Variants in LRRC18 observed in about 807,000 individuals in gnomAD.
The protein encoded by LRRC18 is leucine rich repeat containing 18.
A neutral mutation model predicts 11.2 loss-of-function variants in LRRC18; 12 were observed. That is an observed-to-expected ratio of 1.07 (90% confidence interval 0.69 to 1.74). LRRC18 has a LOEUF of 1.74. Among genes scored for constraint, LRRC18 ranks in the 40% most tolerant of loss-of-function variants. The pLI is 0.00. For synonymous variants in LRRC18, 155 were observed against 130.6 expected, an observed-to-expected ratio of 1.19 and a Z score of -1.27; for missense variants, 374 against 330.5, an observed-to-expected ratio of 1.13 and a Z score of -1.02.
upstream of LRRC18, among the ~76,000 whole-genome samples, chr10:48,916,190 C>T (rs932932511): frequency 1.3e-5 from 2 of 152,178 alleles, no homozygotes; most frequent in Non-Finnish European, 2.9e-5. Flanking sequence ...ACTCCTTTTT[C>T]TCCCCTCAAC....
At chr10:48,937,119 C>G in the LRRC18 span, among the ~76,000 whole-genome samples, 1 of 152,012 alleles carries the variant, frequency 6.6e-6, no homozygotes, top group Non-Finnish European at 1.5e-5. Context: ...GTCTCGAACT[C>G]CTGACCTCAG....
the LRRC18 span, among the ~76,000 whole-genome samples, chr10:48,922,550 T>C: frequency 6.6e-6 from 1 of 152,232 alleles, no homozygotes; most frequent in South Asian, 2.1e-4. Flanking sequence ...TGATGAATTG[T>C]TGTTCATCTC....
intron 1 of LRRC18, among the ~76,000 whole-genome samples, chr10:48,912,918 A>G (rs1488368187): frequency 6.6e-6 from 1 of 152,176 alleles, no homozygotes; most frequent in East Asian, 1.9e-4. Flanking sequence ...CCCCTACCCA[A>G]CACCAAGTGC....
At chr10:48,919,162 C>A (rs186495433), upstream of LRRC18, among the ~76,000 whole-genome samples, 1 of 151,306 alleles carries the variant, frequency 6.6e-6, no homozygotes, top group Admixed American at 6.6e-5. Context: ...AAACAGATAG[C>A]CAGACTGACA....
At chr10:48,922,555 C>CAAAA in the LRRC18 span, among the ~76,000 whole-genome samples, 2 of 152,172 alleles carry the variant, frequency 1.3e-5, no homozygotes, top group Non-Finnish European at 2.9e-5. Context: ...AATTGTTGTT[C>CAAAA]ATCTCTTACG....
At chr10:48,922,995 C>T in the LRRC18 span, among the ~76,000 whole-genome samples, 1 of 152,128 alleles carries the variant, frequency 6.6e-6, no homozygotes, top group African/African-American at 2.4e-5. Flanking sequence ...TCTGTTGAAG[C>T]TTAGAGAACT....
chr10:48,927,479 C>T, the LRRC18 span, among the ~76,000 whole-genome samples: 2 of 152,162 alleles, frequency 1.3e-5, no homozygotes, highest in Non-Finnish European at 2.9e-5. Context: ...AACTTCCACC[C>T]ACATGCCTGT....
At chr10:48,933,465 TC>T in the LRRC18 span, among the ~76,000 whole-genome samples, 1 of 152,208 alleles carries the variant, frequency 6.6e-6, no homozygotes, top group African/African-American at 2.4e-5. Context: ...CAGATGGCTC[TC>T]TTGGCCGCCA....
chr10:48,914,180 A>G, exon 1 of LRRC18: 1 of 1,601,308 alleles, frequency 6.2e-7, no homozygotes, highest in South Asian at 1.1e-5. Context: ...GGAGTGTTAG[A>G]AGTTTATTGT....
chr10:48,927,878 A>G, the LRRC18 span, among the ~76,000 whole-genome samples: 147,377 of 152,330 alleles, frequency 0.97, 71,483 homozygotes, highest in East Asian at 1. Context: ...AAAGGGAATA[A>G]GCACCTTACA....
the LRRC18 span, among the ~76,000 whole-genome samples, chr10:48,921,063 T>C: frequency 1.3e-5 from 2 of 152,174 alleles, no homozygotes; most frequent in Admixed American, 1.3e-4. Context: ...ATGTCAACTC[T>C]CCCCAAATTG....
the LRRC18 span, among the ~76,000 whole-genome samples, chr10:48,935,753 T>C: frequency 6.6e-6 from 1 of 152,256 alleles, no homozygotes; most frequent in Non-Finnish European, 1.5e-5. Context: ...TCTTACTTGA[T>C]TGTATGTCAT....
At chr10:48,929,289 A>C in the LRRC18 span, among the ~76,000 whole-genome samples, 1 of 152,186 alleles carries the variant, frequency 6.6e-6, no homozygotes, top group Non-Finnish European at 1.5e-5. Context: ...GAGGAGGCAC[A>C]ATAAAAGATA....
At chr10:48,936,163 C>CA in the LRRC18 span, among the ~76,000 whole-genome samples, 5 of 151,328 alleles carry the variant, frequency 3.3e-5, no homozygotes, top group African/African-American at 1.2e-4. Flanking sequence ...TTGGAAAGTA[C>CA]AAAAAAAGCA....
the LRRC18 span, among the ~76,000 whole-genome samples, chr10:48,929,538 C>T: frequency 1.3e-5 from 2 of 152,204 alleles, no homozygotes; most frequent in Non-Finnish European, 1.5e-5. Flanking sequence ...GCCCCTTGCT[C>T]CTCTTCTCTG....
chr10:48,930,506 G>C, the LRRC18 span, among the ~76,000 whole-genome samples: 1 of 152,186 alleles, frequency 6.6e-6, no homozygotes, highest in African/African-American at 2.4e-5. Flanking sequence ...GTTAGGCCAA[G>C]GGGAGAAGGA....
the LRRC18 span, among the ~76,000 whole-genome samples, chr10:48,922,437 GA>G: frequency 1.2e-4 from 18 of 152,076 alleles, no homozygotes; most frequent in Non-Finnish European, 4.4e-5. Flanking sequence ...TTGACTTGGG[GA>G]AAAAAACAAA....
upstream of LRRC18, among the ~76,000 whole-genome samples, chr10:48,914,435 A>C (rs936255747): frequency 3.9e-5 from 6 of 152,130 alleles, no homozygotes; most frequent in African/African-American, 1.4e-4. Context: ...TGGATGTTAA[A>C]ATAGGAGGTG....
chr10:48,910,847 A>G, intron 1 of LRRC18: 1 of 923,016 alleles, frequency 1.1e-6, no homozygotes, highest in African/African-American at 1.8e-5. Context: ...TGCAGCGGGG[A>G]AGGGAGGACG....
Sources: allele counts gnomAD v4.1 joint callset (sites outside exome capture counted in the v4.1 genomes callset), GRCh38; gene constraint gnomAD v4.1.1; transcripts MANE v1.5; gene names NCBI Gene and HGNC (gene_info 2026-07-23, HGNC 2026-07-21).